SMAD2: variants seen among roughly 807,000 people sequenced by gnomAD.
SMAD2 encodes MAD homolog 2.
Under a neutral mutation model 64.4 loss-of-function variants are expected in SMAD2, and 8 were observed. The observed-to-expected ratio is 0.12, with a 90% CI of 0.07 to 0.22. SMAD2 has a LOEUF of 0.22. Among genes scored for constraint, SMAD2 ranks in the 10% least tolerant of loss-of-function variants. SMAD2 has a pLI of 1.00. For missense variants in SMAD2, 289 were observed against 561.2 expected, an observed-to-expected ratio of 0.51 and a Z score of 4.90; for synonymous variants, 203 against 195.8, an observed-to-expected ratio of 1.04 and a Z score of -0.31.
chr18:47,819,142 T>C lies in SMAD2; in HGVS notation c.*22685A>G, dbSNP rs997010343. 1 of 152,254 alleles carries C rather than the reference T, an allele frequency of 6.6e-6. No homozygotes were observed. Among genetic ancestry groups the C allele is most frequent in the Non-Finnish European group, 1.5e-5 (1 of 68,034 alleles). The allele number at this position is 152,254 out of a possible 1,614,324, so 9.4% of individuals were successfully genotyped here. A position where few individuals can be genotyped will look rare whatever the true frequency, so the allele number is the denominator to read the frequency against. ...TAACACAAGTGCCTTTTAGTTAATA[T>C]AACTTAAACATCTGATAAGCTGGTT... On this transcript the variant is annotated 3_prime_UTR_variant, in exon 11 of 11. Coordinates refer to ENST00000262160, the MANE Select transcript of SMAD2 (RefSeq NM_005901.6).
rs2144275936 is a variant in SMAD2, at chr18:47,841,822, A to T, written c.*5T>A. On this transcript the variant is annotated 3_prime_UTR_variant, in exon 11 of 11. Coordinates refer to ENST00000262160, the MANE Select transcript of SMAD2 (RefSeq NM_005901.6). Reference sequence around the variant, plus strand: ...GTCTTTTCATGGGACTTGATTGGTGAAGCTTTATGACATGCTTGAGCAACG... The same window carrying T: ...GTCTTTTCATGGGACTTGATTGGTGTAGCTTTATGACATGCTTGAGCAACG... The T allele has an allele frequency of 6.2e-7, 1 of 1,614,178 alleles. No individual in the cohort carries two copies. Among genetic ancestry groups the T allele is most frequent in the Non-Finnish European group, 8.5e-7 (1 of 1,180,008 alleles).
intron 1 of SMAD2, among the ~76,000 whole-genome samples, chr18:47,901,296 C>A (rs189348536): frequency 6.6e-6 from 1 of 152,108 alleles, no homozygotes; most frequent in African/African-American, 2.4e-5. Context: ...GTATTAAAGT[C>A]TCCTTTGCCT....
At chr18:47,868,198 A>G (rs2144372000) in intron 5 of SMAD2, 125 bp downstream of exon 5, 1 of 831,562 alleles carries the variant, frequency 1.2e-6, no homozygotes, top group Non-Finnish European at 2.0e-6. Flanking sequence ...CAACGAATCC[A>G]ATTTTTCTAT....
Position 47,840,876 on chromosome 18 carries a change from T to C in SMAD2, c.*951A>G, listed in dbSNP as rs1913878035. On this transcript the variant is annotated 3_prime_UTR_variant, in exon 11 of 11. Transcript: ENST00000262160. ...AAATAATTATACTGCCACCTATGCATTTTTTATGAGGTGGAAGGATAAATC... is the reference window on the plus strand; with the variant it reads ...AAATAATTATACTGCCACCTATGCACTTTTTATGAGGTGGAAGGATAAATC... 1.7e-5 allele frequency: 4 copies of C among 232,132 alleles called. No homozygotes were observed. Among genetic ancestry groups the C allele is most frequent in the Non-Finnish European group, 3.4e-5 (4 of 117,344 alleles). 14.4% of individuals were successfully genotyped at this position (232,132 alleles called of 1,614,324 possible).
intron 2 of SMAD2, among the ~76,000 whole-genome samples, chr18:47,881,245 A>C (rs927028872): frequency 6.6e-5 from 10 of 152,158 alleles, no homozygotes; most frequent in African/African-American, 1.7e-4. Flanking sequence ...GCCATATGAG[A>C]ATCACAACTC....
chr18:47,884,343 T>C (rs532897835), intron 2 of SMAD2, among the ~76,000 whole-genome samples: 11 of 152,280 alleles, frequency 7.2e-5, no homozygotes, highest in African/African-American at 1.9e-4. Flanking sequence ...TCAGGCACTG[T>C]TGTCCCCATT....
At position 47,837,200 on chromosome 18, in the gene SMAD2, G is replaced by A; in HGVS notation, c.*4627C>T. The A allele has an allele frequency of 5.0e-6, 1 of 199,822 alleles. No homozygotes were observed. Among genetic ancestry groups the A allele is most frequent in the African/African-American group, 2.3e-5 (1 of 43,534 alleles). 12.4% of individuals were successfully genotyped at this position (199,822 alleles called of 1,614,324 possible). A position where few individuals can be genotyped will look rare whatever the true frequency, so the allele number is the denominator to read the frequency against. On this transcript the variant is annotated 3_prime_UTR_variant, in exon 11 of 11. Coordinates refer to ENST00000262160, the MANE Select transcript of SMAD2 (RefSeq NM_005901.6). ...TCATGATGAAGAAATTAGGACTCTA[G>A]GTATGAAAAGCATGTTCCTTTTTTG... is the stretch of plus-strand genomic sequence containing the variant.
chr18:47,861,597 GTT>G lies in SMAD2; in HGVS notation c.730+3460_730+3461del, dbSNP rs1479607533. On this transcript the variant is annotated intron_variant, in intron 6 of 10. Transcript: ENST00000262160. ...ATGCTATACATCTACATCAAAAACT[GTT>G]TAACACATGGCAGAGAAAAGGCATT... Among the ~76,000 whole-genome samples the G allele has an allele frequency of 2.0e-5, 3 of 152,244 alleles. No homozygotes were observed. In the East Asian group the frequency reaches 5.8e-4, roughly 29 times the overall value.
In SMAD2 at chr18:47,819,302, T is replaced by C. The variant is rs1912482491; in HGVS notation, c.*22525A>G. 2 of 152,260 alleles carry C rather than the reference T, an allele frequency of 1.3e-5. No homozygotes were observed. The highest frequency in any genetic ancestry group is 2.4e-5 in the African/African-American group (1 of 41,472). 9.4% of individuals were successfully genotyped at this position (152,260 alleles called of 1,614,324 possible). A position where few individuals can be genotyped will look rare whatever the true frequency, so the allele number is the denominator to read the frequency against. On this transcript the variant is annotated 3_prime_UTR_variant, in exon 11 of 11. Transcript: ENST00000262160. Reference sequence around the variant, plus strand: ...ACTCAACTTAAAAACAGAATGATCTTTGTATAACTGTAAGTTGAACTAATT... The same window carrying C: ...ACTCAACTTAAAAACAGAATGATCTCTGTATAACTGTAAGTTGAACTAATT...
In SMAD2 at chr18:47,821,637, G is replaced by A. The variant is rs1912580120; in HGVS notation, c.*20190C>T. The stretch of plus-strand genomic sequence containing the variant: ...ACCTTTTCATCAGATTCAACTTTCA[G>A]TATATCCAAATAGGCTTCCCATAAG... On this transcript the variant is annotated 3_prime_UTR_variant, in exon 11 of 11. Coordinates refer to ENST00000262160, the MANE Select transcript of SMAD2 (RefSeq NM_005901.6). 6.6e-6 allele frequency: 1 copy of A among 152,156 alleles called. No homozygotes were observed. Among genetic ancestry groups the A allele is most frequent in the South Asian group, 2.1e-4 (1 of 4,828 alleles). The allele number at this position is 152,156 out of a possible 1,614,324, so 9.4% of individuals were successfully genotyped here. A position where few individuals can be genotyped will look rare whatever the true frequency, so the allele number is the denominator to read the frequency against.
At position 47,818,148 on chromosome 18, in the gene SMAD2, T is replaced by C. The variant is rs900159147; in HGVS notation, c.*23679A>G. 3 of 152,124 alleles carry C rather than the reference T, an allele frequency of 2.0e-5. No individual in the cohort carries two copies. The highest frequency in any genetic ancestry group is 1.3e-4 in the Admixed American group (2 of 15,268). 9.4% of individuals were successfully genotyped at this position (152,124 alleles called of 1,614,324 possible). A position where few individuals can be genotyped will look rare whatever the true frequency, so the allele number is the denominator to read the frequency against. On this transcript the variant is annotated 3_prime_UTR_variant, in exon 11 of 11. Coordinates refer to ENST00000262160, the MANE Select transcript of SMAD2 (RefSeq NM_005901.6). ...ATGTAGAGTCTTCTAAGCTCTCTAA[T>C]TTTTTTTCTGCCTACTTTAAATCTG...
intron 1 of SMAD2, among the ~76,000 whole-genome samples, chr18:47,913,043 C>A (rs572083950): frequency 6.6e-6 from 1 of 151,918 alleles, no homozygotes; most frequent in South Asian, 2.1e-4. Flanking sequence ...CCTCAGCCTC[C>A]GGAGTAGCTG....
rs1912552823 is a variant in SMAD2, at chr18:47,820,934, CACACACAA to C, written c.*20885_*20892del. On this transcript the variant is annotated 3_prime_UTR_variant, in exon 11 of 11. Coordinates refer to ENST00000262160, the MANE Select transcript of SMAD2 (RefSeq NM_005901.6). ...ACACACACACACACACACACACACA[CACACACAA>C]AATTTGGTCCCCAATGTTAGAACAA... 1 of 146,044 alleles carries C rather than the reference CACACACAA, an allele frequency of 6.8e-6. No individual in the cohort carries two copies. 9.0% of individuals were successfully genotyped at this position (146,044 alleles called of 1,614,324 possible).
Position 47,832,466 on chromosome 18 carries a change from C to T in SMAD2, c.*9361G>A, listed in dbSNP as rs1018366549. 5.9e-5 allele frequency: 9 copies of T among 152,100 alleles called. No individual in the cohort carries two copies. Among genetic ancestry groups the T allele is most frequent in the African/African-American group, 1.2e-4 (5 of 41,430 alleles). The allele number at this position is 152,100 out of a possible 1,614,324, so 9.4% of individuals were successfully genotyped here. On this transcript the variant is annotated 3_prime_UTR_variant, in exon 11 of 11. Transcript: ENST00000262160. ...CCAGTCCCAAGGCTATTCAATGCCA[C>T]GTAAAATAGTGTATTTTAGCATTTG...
rs1233369902 is a variant in SMAD2 at position 47,836,758 on chromosome 18, G to A, written c.*5069C>T. ...TGAACACACGAGATAAGTTCTTATC[G>A]TAAATGCTATCATGAGGCTATCTAG... On this transcript the variant is annotated 3_prime_UTR_variant, in exon 11 of 11. Transcript: ENST00000262160. 2 of 219,438 alleles carry A rather than the reference G, an allele frequency of 9.1e-6. No individual in the cohort carries two copies. The highest frequency in any genetic ancestry group is 2.3e-5 in the African/African-American group (1 of 44,196). 13.6% of individuals were successfully genotyped at this position (219,438 alleles called of 1,614,324 possible).
chr18:47,847,298 G>A (rs771076906), intron 8 of SMAD2, among the ~76,000 whole-genome samples: 1 of 152,080 alleles, frequency 6.6e-6, no homozygotes, highest in Non-Finnish European at 1.5e-5. Flanking sequence ...AGATCTTCTA[G>A]TCACTATCAT....
In SMAD2 at chr18:47,829,502, T is replaced by C. The variant is rs1348649238; in HGVS notation, c.*12325A>G. 6.6e-6 allele frequency: 1 copy of C among 152,150 alleles called. No homozygotes were observed. Among genetic ancestry groups the C allele is most frequent in the African/African-American group, 2.4e-5 (1 of 41,444 alleles). The allele number at this position is 152,150 out of a possible 1,614,324, so 9.4% of individuals were successfully genotyped here. A position where few individuals can be genotyped will look rare whatever the true frequency, so the allele number is the denominator to read the frequency against. On this transcript the variant is annotated 3_prime_UTR_variant, in exon 11 of 11. Coordinates refer to ENST00000262160, the MANE Select transcript of SMAD2 (RefSeq NM_005901.6). ...CAATCAAATGCGATCTTTTAAAGAA[T>C]ATAAACAAGCCAGATTCTTAGGTAT...
rs1394170288 is a variant in SMAD2 at position 47,819,067 on chromosome 18, G to C, written c.*22760C>G. The C allele has an allele frequency of 6.6e-6, 1 of 152,074 alleles. No individual in the cohort carries two copies. Among genetic ancestry groups the C allele is most frequent in the Non-Finnish European group, 1.5e-5 (1 of 68,022 alleles). The allele number at this position is 152,074 out of a possible 1,614,324, so 9.4% of individuals were successfully genotyped here. ...TGGCAGTTGGCCACAAATCCCTTAA[G>C]GAATTCTATTCATCAAATAAATGAG... On this transcript the variant is annotated 3_prime_UTR_variant, in exon 11 of 11. Transcript: ENST00000262160.
intron 1 of SMAD2, among the ~76,000 whole-genome samples, chr18:47,929,205 C>T (rs183147268): frequency 2.3e-4 from 35 of 152,262 alleles, no homozygotes; most frequent in African/African-American, 6.0e-4. Flanking sequence ...GTTGAAACTC[C>T]ATTTAACTAT....
Sources: gnomAD v4.1 joint callset for allele counts (sites outside exome capture counted in the v4.1 genomes callset) on GRCh38, gnomAD v4.1.1 for gene constraint, MANE v1.5 for transcripts, NCBI Gene and HGNC (gene_info 2026-07-23, HGNC 2026-07-21) for gene names.